Variants in PSMD1 observed in about 807,000 individuals in gnomAD.
PSMD1 encodes the protein proteasome 26S subunit, non-ATPase 1, also known as 26S proteasome non-ATPase regulatory subunit 1.
Under a neutral mutation model 119.0 loss-of-function variants are expected in PSMD1, and 18 were observed. The ratio of observed to expected loss-of-function variants is 0.15; its 90% confidence interval spans 0.10 to 0.22. The LOEUF (loss-of-function observed/expected upper bound fraction) is 0.22, where lower values mean the gene tolerates loss of function less well. Ranked by LOEUF, PSMD1 falls within the 10% of genes least tolerant of loss-of-function variation. The pLI is 1.00. For missense variants in PSMD1, 702 were observed against 1,158.5 expected (o/e 0.61, Z 5.72); for synonymous variants, 374 against 396.6 (o/e 0.94, Z 0.68).
At chr2:231,070,581 A>G (rs781347845) in intron 6 of PSMD1, among the ~76,000 whole-genome samples, 12 of 152,150 alleles carry the variant, frequency 7.9e-5, no homozygotes, top group Non-Finnish European at 1.6e-4. Context: ...ACATTTGGGT[A>G]TCTTTTCTTT....
At chr2:231,075,654 A>T in intron 8 of PSMD1, 83 bp downstream of exon 8, 1 of 1,238,658 alleles carries the variant, frequency 8.1e-7, no homozygotes, top group Non-Finnish European at 1.1e-6. Context: ...GTCTCGGCTC[A>T]CTACAACCTC....
At chr2:231,095,822 A>C (rs1457521889) in intron 16 of PSMD1, among the ~76,000 whole-genome samples, 1 of 152,212 alleles carries the variant, frequency 6.6e-6, no homozygotes, top group African/African-American at 2.4e-5. Flanking sequence ...ATAGCCTGTA[A>C]GTCATGCAGA....
intron 16 of PSMD1, among the ~76,000 whole-genome samples, chr2:231,101,375 C>G (rs1047570643): frequency 4.6e-5 from 7 of 152,182 alleles, no homozygotes; most frequent in Admixed American, 1.3e-4. Context: ...TTGCATCTTT[C>G]CCTATAATTT....
In PSMD1 at chr2:231,057,015, G is replaced by A; in HGVS notation, c.-11G>A. The A allele has an allele frequency of 1.3e-6, 2 of 1,539,674 alleles. No individual in the cohort carries two copies. The highest frequency in any genetic ancestry group is 1.7e-6 in the Non-Finnish European group (2 of 1,144,170). On this transcript the variant is annotated 5_prime_UTR_variant, in exon 1 of 25. Coordinates refer to ENST00000308696, the MANE Select transcript of PSMD1 (RefSeq NM_002807.4). ...GGCGAGCGAGCCGACGGGCGAGTGA[G>A]GGGCGCAGCCATGATCACCTCGGCC... is the stretch of plus-strand genomic sequence containing the variant.
intron 19 of PSMD1, among the ~76,000 whole-genome samples, chr2:231,156,147 G>A (rs1035697352): frequency 1.3e-5 from 2 of 152,112 alleles, no homozygotes; most frequent in African/African-American, 4.8e-5. Flanking sequence ...ACTAAGTCTA[G>A]ACACTTAATT....
chr2:231,153,474 CATT>C (rs1312194498), intron 18 of PSMD1, 87 bp from the exon 19 acceptor site: 1 of 932,720 alleles, frequency 1.1e-6, no homozygotes, highest in South Asian at 1.4e-5. Flanking sequence ...AGAACTAACT[CATT>C]ATCATTGGAG....
At chr2:231,165,171 A>G (rs1287136665) in intron 21 of PSMD1, 29 bp from the exon 22 acceptor site, 11 of 1,564,532 alleles carry the variant, frequency 7.0e-6, no homozygotes, top group Non-Finnish European at 9.6e-6. Context: ...GTAAGGGATT[A>G]CAACAGTTTA....
chr2:231,092,655 T>C (rs1482677374), intron 16 of PSMD1, among the ~76,000 whole-genome samples: 1 of 152,146 alleles, frequency 6.6e-6, no homozygotes, highest in Admixed American at 6.5e-5. Flanking sequence ...ATCAGTATGG[T>C]TGCTCTGCAA....
chr2:231,104,758 A>G (rs1380835214), intron 16 of PSMD1, among the ~76,000 whole-genome samples: 1 of 152,184 alleles, frequency 6.6e-6, no homozygotes, highest in Non-Finnish European at 1.5e-5. Context: ...TCAGAGCACC[A>G]TCTTTTTGAG....
intron 16 of PSMD1, among the ~76,000 whole-genome samples, chr2:231,131,854 G>A (rs1359353679): frequency 6.6e-6 from 1 of 151,848 alleles, no homozygotes; most frequent in Non-Finnish European, 1.5e-5. Context: ...GAATATTATG[G>A]TTTTACTGTA....
intron 16 of PSMD1, among the ~76,000 whole-genome samples, chr2:231,135,451 AT>A (rs1429025451): frequency 6.6e-6 from 1 of 152,148 alleles, no homozygotes; most frequent in Non-Finnish European, 1.5e-5. Flanking sequence ...TTGATTGAAC[AT>A]TGTCTAAATT....
chr2:231,075,789 C>T lies in PSMD1; in HGVS notation c.942+218C>T, dbSNP rs200877239. The stretch of plus-strand genomic sequence containing the variant: ...TGTAGAGACAGGGTTCGCTGTGTTG[C>T]CCAGGCTGGTCATGAACTCCTGAGC... On this transcript the variant is annotated intron_variant, in intron 8 of 24. Transcript: ENST00000308696. Among the ~76,000 whole-genome samples the T allele has an allele frequency of 3.4e-4, 52 of 152,204 alleles. 1 individual carries two copies. In the East Asian group the frequency reaches 9.1e-3, roughly 27 times the overall value.
At chr2:231,066,327 C>T (rs1385582151) in intron 4 of PSMD1, among the ~76,000 whole-genome samples, 1 of 149,856 alleles carries the variant, frequency 6.7e-6, no homozygotes, top group African/African-American at 2.4e-5. Flanking sequence ...ATAGTTCTTA[C>T]TCTCAGGTTG....
chr2:231,076,538 A>G (rs6741145), intron 8 of PSMD1, among the ~76,000 whole-genome samples: 74,628 of 151,962 alleles, frequency 0.49, 21,736 homozygotes, highest in African/African-American at 0.81. Flanking sequence ...GTGGTGGCAC[A>G]CGCCTTTAAT....
chr2:231,120,059 C>T (rs1695483475), intron 16 of PSMD1, among the ~76,000 whole-genome samples: 1 of 151,074 alleles, frequency 6.6e-6, no homozygotes, highest in Non-Finnish European at 1.5e-5. Context: ...TCAAGCTATT[C>T]TCCTGCCTCA....
Position 231,170,539 on chromosome 2 carries a change from C to A in PSMD1, c.2716-27C>A, listed in dbSNP as rs113188073. 6.3e-7 allele frequency: 1 copy of A among 1,580,956 alleles called. No individual in the cohort carries two copies. Among genetic ancestry groups the A allele is most frequent in the Non-Finnish European group, 8.6e-7 (1 of 1,165,296 alleles). On this transcript the variant is annotated intron_variant, in intron 23 of 24. Transcript: ENST00000308696. This position sits in a 1 kb window ranked among gnomAD's most constrained non-coding sequence, Gnocchi z 4.1. The stretch of plus-strand genomic sequence containing the variant: ...GGAGCACGCTTGAAATATGAGTGTA[C>A]GCTTCTGCACGCCCCTGTGTTTCCA...
At chr2:231,113,706 A>G (rs774316509) in intron 16 of PSMD1, 5 of 1,600,880 alleles carry the variant, frequency 3.1e-6, no homozygotes, top group Middle Eastern at 1.8e-4. Context: ...TATACCACCC[A>G]CACTCTGGCA....
At position 231,078,712 on chromosome 2, in the gene PSMD1, T is replaced by A; in HGVS notation, c.1125T>A (p.Phe375Leu). 1.2e-6 allele frequency: 2 copies of A among 1,610,924 alleles called. No homozygotes were observed. Among genetic ancestry groups the A allele is most frequent in the Non-Finnish European group, 1.7e-6 (2 of 1,178,884 alleles). The change falls in exon 10 of 25, where the codon TTT becomes TTA. Residue 375 changes from phenylalanine (F) to leucine (L), a missense_variant. By Grantham distance (22) the Phe-to-Leu change is conservative. Transcript: ENST00000308696. ...CTGCAACCGTTATAGCAAACTCTTT[T>A]ATGCACTGTGGGACAACCAGTGACC... is the stretch of plus-strand genomic sequence containing the variant. Reference protein sequence around the residue: ...CHTATVIANSFMHCGTTSDQF... With the variant: ...CHTATVIANSLMHCGTTSDQF...
intron 16 of PSMD1, among the ~76,000 whole-genome samples, chr2:231,117,966 G>T (rs915285213): frequency 1.3e-5 from 2 of 152,100 alleles, no homozygotes; most frequent in Non-Finnish European, 2.9e-5. Context: ...TGGCTGGTCA[G>T]ATTTCTCATT....
Sources: allele counts gnomAD v4.1 joint callset (sites outside exome capture counted in the v4.1 genomes callset), GRCh38; gene constraint gnomAD v4.1.1; non-coding constraint Gnocchi (gnomAD v3.1); transcripts MANE v1.5; gene names NCBI Gene and HGNC (gene_info 2026-07-23, HGNC 2026-07-21).